Variants in EPS8 observed in about 807,000 individuals in gnomAD.
EPS8 encodes epidermal growth factor receptor kinase substrate 8.
EPS8 carries 42 observed loss-of-function variants against 103.8 expected under a neutral mutation model. The ratio of observed to expected loss-of-function variants is 0.40; its 90% CI spans 0.32 to 0.52. EPS8 has a LOEUF of 0.52. EPS8 is among the 20% of genes least tolerant of loss of function. The pLI is 0.40. For missense variants in EPS8, 969 were observed against 1,005.1 expected, an observed-to-expected ratio of 0.96 and a Z score of 0.49; for synonymous variants, 344 against 344.6, an observed-to-expected ratio of 1.00 and a Z score of 0.02.
At position 15,759,838 on chromosome 12, in the gene EPS8, T is replaced by C. The variant is rs1267547524; in HGVS notation, c.-22+29323A>G. On this transcript the variant is annotated intron_variant, in intron 1 of 20. Coordinates refer to ENST00000281172, the MANE Select transcript of EPS8 (RefSeq NM_004447.6). The surrounding 1 kb of genome is among the most constrained non-coding windows in gnomAD (Gnocchi z 4.9). ...AAAGCAGTACTAACAGGAAAGTTTATAGCTATAAGTGCCTACATCAAAAAA... is the reference window on the plus strand; with the variant it reads ...AAAGCAGTACTAACAGGAAAGTTTACAGCTATAAGTGCCTACATCAAAAAA... 1.3e-5 allele frequency among the ~76,000 whole-genome samples: 2 copies of C among 151,996 alleles called. No homozygotes were observed. The highest frequency in any genetic ancestry group is 2.9e-5 in the Non-Finnish European group (2 of 67,948).
intron 1 of EPS8, among the ~76,000 whole-genome samples, chr12:15,782,549 G>A (rs1034262999): frequency 1.3e-5 from 2 of 151,936 alleles, no homozygotes. Flanking sequence ...GACAAACCAC[G>A]TAGCCAGGAT....
chr12:15,711,637 G>T (rs1402539017), intron 1 of EPS8, among the ~76,000 whole-genome samples: 2 of 152,072 alleles, frequency 1.3e-5, no homozygotes. Context: ...GCTGACCAAA[G>T]CTTTATAGCA....
At chr12:15,638,773 G>C (rs1379910536) in intron 17 of EPS8, among the ~76,000 whole-genome samples, 2 of 152,148 alleles carry the variant, frequency 1.3e-5, no homozygotes, top group Admixed American at 1.3e-4. Context: ...AGGAGGAATA[G>C]GTTTGACATT....
In EPS8 at chr12:15,771,846, C is replaced by T. The variant is rs953278084; in HGVS notation, c.-22+17315G>A. On this transcript the variant is annotated intron_variant, in intron 1 of 20. Transcript: ENST00000281172. This position sits in a 1 kb window ranked among gnomAD's most constrained non-coding sequence, Gnocchi z 4.6. Reference sequence around the variant, plus strand: ...TTCAATACAAAAGAAAGGGGAAGGCCGGGGGCGGTGGCTCATGCCTGTAAT... The same window carrying T: ...TTCAATACAAAAGAAAGGGGAAGGCTGGGGGCGGTGGCTCATGCCTGTAAT... Among the ~76,000 whole-genome samples the T allele has an allele frequency of 5.9e-5, 9 of 152,104 alleles. No individual in the cohort carries two copies. Among genetic ancestry groups the T allele is most frequent in the East Asian group, 1.9e-4 (1 of 5,168 alleles).
chr12:15,634,475 T>C (rs545462821), intron 17 of EPS8, among the ~76,000 whole-genome samples: 1 of 152,298 alleles, frequency 6.6e-6, no homozygotes, highest in South Asian at 2.1e-4. Context: ...AAGAATGCTA[T>C]TGAGAGATAA....
At position 15,752,888 on chromosome 12, in the gene EPS8, G is replaced by A. The variant is rs1946948211; in HGVS notation, c.-22+36273C>T. Among the ~76,000 whole-genome samples, 1 of 152,002 alleles carries A rather than the reference G, an allele frequency of 6.6e-6. No homozygotes were observed. The highest frequency in any genetic ancestry group is 6.5e-5 in the Admixed American group (1 of 15,268). ...CATAAAATCCTATGAGAAAGGCAAG[G>A]CAAGAACCATTACTTTCCTAACAAC... On this transcript the variant is annotated intron_variant, in intron 1 of 20. Transcript: ENST00000281172. This position sits in a 1 kb window ranked among gnomAD's most constrained non-coding sequence, Gnocchi z 4.4.
chr12:15,665,909 C>A lies in EPS8; in HGVS notation c.600-17G>T. The A allele has an allele frequency of 6.2e-7, 1 of 1,611,740 alleles. No individual in the cohort carries two copies. Among genetic ancestry groups the A allele is most frequent in the Non-Finnish European group, 8.5e-7 (1 of 1,179,000 alleles). Reference sequence around the variant, plus strand: ...GAAATCATCCTTAAAAAGATGAAAACAAATAGAATTTTTACCATCTCTATT... The same window carrying A: ...GAAATCATCCTTAAAAAGATGAAAAAAAATAGAATTTTTACCATCTCTATT... On this transcript the variant is annotated splice_polypyrimidine_tract_variant and intron_variant, in intron 7 of 20. Transcript: ENST00000281172.
intron 3 of EPS8, among the ~76,000 whole-genome samples, chr12:15,678,790 T>G (rs988758605): frequency 6.6e-6 from 1 of 151,868 alleles, no homozygotes; most frequent in Non-Finnish European, 1.5e-5. Context: ...GGCATGCACC[T>G]ATAGTCCCTG....
chr12:15,722,308 C>T (rs1946605584), intron 1 of EPS8, among the ~76,000 whole-genome samples: 1 of 151,948 alleles, frequency 6.6e-6, no homozygotes, highest in African/African-American at 2.4e-5. Context: ...TGTTCTACAG[C>T]CTATTTTAAA....
At chr12:15,699,671 T>G (rs950515724) in intron 1 of EPS8, among the ~76,000 whole-genome samples, 8 of 152,182 alleles carry the variant, frequency 5.3e-5, no homozygotes, top group Admixed American at 5.2e-4. Context: ...AATTTTGGCT[T>G]ACATAATTTT....
rs997433925 is a variant in EPS8, at chr12:15,697,061, A to G, written c.-21-14089T>C. On this transcript the variant is annotated intron_variant, in intron 1 of 20. Transcript: ENST00000281172. The surrounding 1 kb of genome is among the most constrained non-coding windows in gnomAD (Gnocchi z 5.6). The stretch of plus-strand genomic sequence containing the variant: ...CCAGCATTTGCATTTCTTTCTTTCT[A>G]TTCCCACAGTTCCCATCTCTAACCA... Among the ~76,000 whole-genome samples the G allele has an allele frequency of 6.6e-6, 1 of 152,186 alleles. No individual in the cohort carries two copies. Among genetic ancestry groups the G allele is most frequent in the South Asian group, 2.1e-4 (1 of 4,822 alleles).
At chr12:15,711,347 T>G (rs73315076) in intron 1 of EPS8, among the ~76,000 whole-genome samples, 1,635 of 152,274 alleles carry the variant, frequency 0.011, 33 homozygotes, top group African/African-American at 0.037. Flanking sequence ...TCAGAACTAT[T>G]TACATAGAAA....
At position 15,706,740 on chromosome 12, in the gene EPS8, T is replaced by C. The variant is rs186367664; in HGVS notation, c.-21-23768A>G. ...TTCTGTTCTTTATATTTTATGTTTT[T>C]TTTTACAACTTATCCAAAGATATTC... On this transcript the variant is annotated intron_variant, in intron 1 of 20. Coordinates refer to ENST00000281172, the MANE Select transcript of EPS8 (RefSeq NM_004447.6). This position sits in a 1 kb window ranked among gnomAD's most constrained non-coding sequence, Gnocchi z 5.2. Among the ~76,000 whole-genome samples the C allele has an allele frequency of 2.0e-5, 3 of 152,338 alleles. No homozygotes were observed. The highest frequency in any genetic ancestry group is 2.9e-5 in the Non-Finnish European group (2 of 68,022).
intron 6 of EPS8, among the ~76,000 whole-genome samples, chr12:15,668,644 G>A (rs528633830): frequency 6.6e-6 from 1 of 152,068 alleles, no homozygotes; most frequent in Non-Finnish European, 1.5e-5. Context: ...TATCATCTGG[G>A]AATTACAAAT....
Position 15,721,404 on chromosome 12 carries a change from A to G in EPS8, c.-21-38432T>C, listed in dbSNP as rs1946593859. ...CCAAACTGTTTTCCTAGATGTAATG[A>G]GGGAAAGAAAGCAATACTGGAAAAA... On this transcript the variant is annotated intron_variant, in intron 1 of 20. Coordinates refer to ENST00000281172, the MANE Select transcript of EPS8 (RefSeq NM_004447.6). This position sits in a 1 kb window ranked among gnomAD's most constrained non-coding sequence, Gnocchi z 4.4. Among the ~76,000 whole-genome samples the G allele has an allele frequency of 6.6e-6, 1 of 152,194 alleles. No homozygotes were observed. Among genetic ancestry groups the G allele is most frequent in the Admixed American group, 6.5e-5 (1 of 15,270 alleles).
At chr12:15,642,833 C>G (rs1343117588) in intron 15 of EPS8, among the ~76,000 whole-genome samples, 1 of 152,098 alleles carries the variant, frequency 6.6e-6, no homozygotes, top group Non-Finnish European at 1.5e-5. Flanking sequence ...CATAATGTAT[C>G]CTGTCATAGG....
At chr12:15,657,238 T>G (rs1945523127) in intron 12 of EPS8, among the ~76,000 whole-genome samples, 1 of 152,206 alleles carries the variant, frequency 6.6e-6, no homozygotes, top group South Asian at 2.1e-4. Flanking sequence ...TAACTATTCT[T>G]CGTCTGGAAT....
In EPS8 at chr12:15,660,632, T is replaced by A; in HGVS notation, c.919A>T (p.Lys307Ter). The stretch of plus-strand genomic sequence containing the variant: ...AACTTACCTCCTGGTCCTTTCCTTT[T>A]ACCTTTCTTGTTTTTCTTCCTTTTA... ...LSKRKKNKKG[K>*]RKGPGEGVLT... The change falls in exon 10 of 21, where the codon AAA becomes TAA. Residue 307 changes from lysine (K) to a stop codon, truncating the protein, a stop_gained. Coordinates refer to ENST00000281172, the MANE Select transcript of EPS8 (RefSeq NM_004447.6). LOFTEE classifies it high-confidence loss of function. 1 of 1,538,962 alleles carries A rather than the reference T, an allele frequency of 6.5e-7. No individual in the cohort carries two copies. The highest frequency in any genetic ancestry group is 9.0e-7 in the Non-Finnish European group (1 of 1,112,046).
At chr12:15,674,251 T>C (rs1591843061) in intron 3 of EPS8, among the ~76,000 whole-genome samples, 2 of 152,154 alleles carry the variant, frequency 1.3e-5, no homozygotes, top group East Asian at 3.9e-4. Context: ...TTTTTCTCTT[T>C]CTCTAAAAAC....
Sources: gnomAD v4.1 joint callset for allele counts (sites outside exome capture counted in the v4.1 genomes callset) on GRCh38, gnomAD v4.1.1 for gene constraint, Gnocchi (gnomAD v3.1) non-coding constraint, MANE v1.5 for transcripts, NCBI Gene and HGNC (gene_info 2026-07-23, HGNC 2026-07-21) for gene names.